The following SAMMSON variants were observed in gnomAD, a reference collection of about 807,000 sequenced individuals.
SAMMSON encodes survival associated mitochondrial melanoma specific oncogenic non-coding RNA, also known as long intergenic non-protein coding RNA 1212.
intron 4 of SAMMSON, among the ~76,000 whole-genome samples, chr3:70,185,097 C>G (rs939540327): frequency 2.6e-5 from 4 of 152,080 alleles, no homozygotes; most frequent in Non-Finnish European, 5.9e-5. Flanking sequence ...TCAACATATC[C>G]ATGTGTTTTT....
chr3:70,258,592 T>C lies in SAMMSON; in HGVS notation n.674+8922T>C, dbSNP rs557270646. ...ATCCATTGTAAACAGGGAATACTGA[T>C]TGGCACAATCTTTTAAAATATTCAT... On this transcript the variant is annotated intron_variant and non_coding_transcript_variant, in intron 6 of 9. Coordinates refer to ENST00000642114, the Ensembl canonical transcript of SAMMSON. 9.8e-5 allele frequency among the ~76,000 whole-genome samples: 15 copies of C among 152,288 alleles called. No homozygotes were observed. In the East Asian group the frequency reaches 2.5e-3, roughly 25 times the overall value.
intron 4 of SAMMSON, among the ~76,000 whole-genome samples, chr3:70,116,102 C>A (rs2067409747): frequency 6.6e-6 from 1 of 152,016 alleles, no homozygotes; most frequent in African/African-American, 2.4e-5. Context: ...ATTTCTGACA[C>A]CCTCTTCAAT....
At chr3:70,056,936 G>A (rs370812623) in intron 3 of SAMMSON, among the ~76,000 whole-genome samples, 2 of 152,024 alleles carry the variant, frequency 1.3e-5, no homozygotes, top group African/African-American at 4.8e-5. Context: ...AAATATGACG[G>A]CATTTAGTCA....
chr3:70,271,293 G>T (rs182932368), intron 6 of SAMMSON, among the ~76,000 whole-genome samples: 2 of 152,176 alleles, frequency 1.3e-5, no homozygotes, highest in Admixed American at 1.3e-4. Context: ...AAAAGGACCT[G>T]GTAGGAAGCA....
intron 4 of SAMMSON, among the ~76,000 whole-genome samples, chr3:70,092,911 T>TTG (rs1553714622): frequency 4.0e-5 from 6 of 150,784 alleles, no homozygotes; most frequent in Admixed American, 4.0e-4. Context: ...TGTTTTTTTT[T>TTG]TTTTGTTTTT....
At chr3:70,317,902 G>A (rs188839968) in intron 7 of SAMMSON, among the ~76,000 whole-genome samples, 20 of 151,784 alleles carry the variant, frequency 1.3e-4, no homozygotes, top group Admixed American at 1.2e-3. Context: ...CATCTGTGAA[G>A]GATATTTATG....
intron 4 of SAMMSON, among the ~76,000 whole-genome samples, chr3:70,208,784 T>G (rs1249569441): frequency 6.6e-6 from 1 of 152,076 alleles, no homozygotes; most frequent in Non-Finnish European, 1.5e-5. Context: ...CACAACTGTC[T>G]TAGGTCATTT....
chr3:70,335,763 G>C (rs1273128007), intron 7 of SAMMSON, among the ~76,000 whole-genome samples: 1 of 151,936 alleles, frequency 6.6e-6, no homozygotes. Flanking sequence ...TTATGGCATT[G>C]ACAAAGGGCA....
rs577611675 is a variant in SAMMSON at position 70,146,905 on chromosome 3, A to G, written n.507+75340A>G. On this transcript the variant is annotated intron_variant and non_coding_transcript_variant, in intron 4 of 9. Transcript: ENST00000642114. ...TAAGACCGTCACCTATTCACAGATG[A>G]TATAATTATTAATGTAGAAAATCCC... Among the ~76,000 whole-genome samples the G allele has an allele frequency of 1.6e-4, 24 of 152,144 alleles. 1 individual carries two copies. Among genetic ancestry groups the G allele is most frequent in the Non-Finnish European group, 2.8e-4 (19 of 67,938 alleles).
chr3:70,317,628 A>G (rs1702504407), intron 7 of SAMMSON, among the ~76,000 whole-genome samples: 1 of 151,420 alleles, frequency 6.6e-6, no homozygotes, highest in African/African-American at 2.4e-5. Flanking sequence ...ATGTATATAT[A>G]TATATGGATA....
intron 3 of SAMMSON, among the ~76,000 whole-genome samples, chr3:70,044,121 T>G (rs977363970): frequency 6.6e-6 from 1 of 151,936 alleles, no homozygotes; most frequent in Non-Finnish European, 1.5e-5. Context: ...TTAAATGTGT[T>G]TTTTGTTACT....
chr3:70,317,486 T>A (rs1017118292), intron 7 of SAMMSON, among the ~76,000 whole-genome samples: 17 of 151,840 alleles, frequency 1.1e-4, no homozygotes, highest in African/African-American at 3.9e-4. Flanking sequence ...ATACAAACTG[T>A]TTTTTTGTCT....
At chr3:70,182,832 TTCTC>T (rs1304236559) in intron 4 of SAMMSON, among the ~76,000 whole-genome samples, 2 of 152,248 alleles carry the variant, frequency 1.3e-5, no homozygotes, top group African/African-American at 2.4e-5. Flanking sequence ...CTATTTGTCT[TTCTC>T]TTTCTTTGTA....
In SAMMSON at chr3:70,314,913, A is replaced by G. The variant is rs562751995; in HGVS notation, n.739+23670A>G. On this transcript the variant is annotated intron_variant and non_coding_transcript_variant, in intron 7 of 9. Transcript: ENST00000642114. Reference sequence around the variant, plus strand: ...TTATATACTTGTATCCTTATGTCCAACTAAACAGTTTTTTAAATTTTCTGT... The same window carrying G: ...TTATATACTTGTATCCTTATGTCCAGCTAAACAGTTTTTTAAATTTTCTGT... 4.6e-5 allele frequency among the ~76,000 whole-genome samples: 7 copies of G among 152,190 alleles called. No individual in the cohort carries two copies. In the East Asian group the frequency reaches 1.4e-3, roughly 29 times the overall value.
intron 4 of SAMMSON, among the ~76,000 whole-genome samples, chr3:70,215,476 AC>A (rs1701399985): frequency 6.6e-6 from 1 of 152,058 alleles, no homozygotes; most frequent in Admixed American, 6.6e-5. Context: ...GTAGGTTCAA[AC>A]CTAGAATTCC....
intron 2 of SAMMSON, among the ~76,000 whole-genome samples, chr3:70,421,858 C>G (rs960122194): frequency 1.3e-5 from 2 of 152,030 alleles, no homozygotes; most frequent in African/African-American, 4.8e-5. Context: ...CTAGAGATTT[C>G]CATTCCTTTC....
At chr3:70,354,485 A>G (rs1702815332) in intron 8 of SAMMSON, among the ~76,000 whole-genome samples, 1 of 152,224 alleles carries the variant, frequency 6.6e-6, no homozygotes, top group Admixed American at 6.5e-5. Flanking sequence ...AGAAGAAGCA[A>G]TAAGTAACAG....
intron 4 of SAMMSON, among the ~76,000 whole-genome samples, chr3:70,187,762 A>T (rs1285366296): frequency 6.6e-6 from 1 of 151,754 alleles, no homozygotes; most frequent in African/African-American, 2.4e-5. Context: ...CAGGCACCTC[A>T]CCCATATGTA....
intron 4 of SAMMSON, among the ~76,000 whole-genome samples, chr3:70,187,907 C>T (rs534263282): frequency 3.4e-4 from 51 of 152,054 alleles, no homozygotes; most frequent in Non-Finnish European, 6.8e-4. Context: ...GGAGTCCATG[C>T]GGTTCACTTT....
Sources: allele counts gnomAD v4.1 joint callset (sites outside exome capture counted in the v4.1 genomes callset), GRCh38; gene constraint gnomAD v4.1.1; transcripts MANE v1.5; gene names NCBI Gene and HGNC (gene_info 2026-07-23, HGNC 2026-07-21).